The following PDE8A variants were observed in gnomAD, a reference collection of about 807,000 sequenced individuals.
PDE8A encodes high affinity cAMP-specific and IBMX-insensitive 3',5'-cyclic phosphodiesterase 8A.
In PDE8A, 59 loss-of-function variants were observed where a neutral mutation model predicts 105.0. That is an observed-to-expected ratio of 0.56 (90% CI 0.46 to 0.70). The LOEUF (loss-of-function observed/expected upper bound fraction) is 0.70, where lower values mean the gene tolerates loss of function less well. Ranked by LOEUF, PDE8A falls within the 30% of genes least tolerant of loss-of-function variation. The pLI is 0.00. For synonymous variants in PDE8A, 355 were observed against 371.9 expected (o/e 0.95, Z 0.52); for missense variants, 1,014 against 1,045.9 (o/e 0.97, Z 0.42).
intron 1 of PDE8A, among the ~76,000 whole-genome samples, chr15:85,029,369 A>G (rs926944730): frequency 5.4e-5 from 8 of 148,194 alleles, no homozygotes; most frequent in African/African-American, 2.0e-4. Context: ...CCCTTCTGCC[A>G]TTGTATTTGG....
chr15:85,082,338 T>C (rs1784136656), intron 5 of PDE8A, among the ~76,000 whole-genome samples: 1 of 152,170 alleles, frequency 6.6e-6, no homozygotes, highest in South Asian at 2.1e-4. Flanking sequence ...GTAGCTGTTC[T>C]TTACATTTAT....
intron 1 of PDE8A, among the ~76,000 whole-genome samples, chr15:85,021,750 A>G (rs182592495): frequency 6.1e-4 from 93 of 152,304 alleles, no homozygotes; most frequent in East Asian, 1.2e-3. Context: ...TGAGATCTAG[A>G]TGTTTTTGAA....
Position 85,061,320 on chromosome 15 carries a change from G to A in PDE8A, c.187-3050G>A, listed in dbSNP as rs2081141350. Among the ~76,000 whole-genome samples, 4 of 151,922 alleles carry A rather than the reference G, an allele frequency of 2.6e-5. 1 individual carries two copies. In the South Asian group the frequency reaches 8.3e-4, roughly 32 times the overall value. On this transcript the variant is annotated intron_variant, in intron 1 of 21. Transcript: ENST00000394553. ...GCAGTCTCGGCTCACTGCAACTTCT[G>A]CCTCCCAGGTTCAAGCAATTCTCCT...
chr15:85,060,753 C>G (rs1215774391), intron 1 of PDE8A, among the ~76,000 whole-genome samples: 1 of 152,078 alleles, frequency 6.6e-6, no homozygotes, highest in Non-Finnish European at 1.5e-5. Context: ...TCCTTTTAGA[C>G]CAATGATTTT....
chr15:85,112,829 T>C (rs1379022853), intron 12 of PDE8A, among the ~76,000 whole-genome samples: 1 of 152,204 alleles, frequency 6.6e-6, no homozygotes, highest in Non-Finnish European at 1.5e-5. Context: ...TAACAAACTT[T>C]AGAGCCTAAG....
At chr15:85,131,577 C>A (rs1449981942) in intron 20 of PDE8A, among the ~76,000 whole-genome samples, 1 of 152,176 alleles carries the variant, frequency 6.6e-6, no homozygotes, top group East Asian at 1.9e-4. Flanking sequence ...CAAGTAATAT[C>A]TTTATACATT....
chr15:85,008,173 T>C (rs2080178925), intron 1 of PDE8A, among the ~76,000 whole-genome samples: 1 of 151,816 alleles, frequency 6.6e-6, no homozygotes, highest in South Asian at 2.1e-4. Flanking sequence ...TAGGGAGTGG[T>C]CTGGGCAGCT....
At chr15:85,053,804 T>A (rs2081014651) in intron 1 of PDE8A, among the ~76,000 whole-genome samples, 1 of 152,216 alleles carries the variant, frequency 6.6e-6, no homozygotes, top group African/African-American at 2.4e-5. Context: ...TTGAATACCC[T>A]CTATTTCTTT....
At chr15:85,100,095 AG>A (rs755258349) in intron 10 of PDE8A, 29 bp downstream of exon 10, 16 of 1,612,978 alleles carry the variant, frequency 9.9e-6, no homozygotes, top group Admixed American at 1.7e-5. Context: ...CCGGGGCCCC[AG>A]GAACACCCCA....
intron 3 of PDE8A, among the ~76,000 whole-genome samples, chr15:85,069,732 C>G (rs2081284302): frequency 6.6e-6 from 1 of 152,156 alleles, no homozygotes; most frequent in Admixed American, 6.5e-5. Context: ...GAGAGCAGGC[C>G]TTTACAAATG....
chr15:84,989,286 A>G (rs1432897769), intron 1 of PDE8A, among the ~76,000 whole-genome samples: 1 of 152,212 alleles, frequency 6.6e-6, no homozygotes, highest in East Asian at 1.9e-4. Flanking sequence ...GACCTCCAAT[A>G]ATTTGGGATG....
chr15:85,090,833 A>G (rs760362423), intron 7 of PDE8A: 4 of 620,956 alleles, frequency 6.4e-6, no homozygotes, highest in Non-Finnish European at 1.2e-5. Flanking sequence ...CAGAAAGCCC[A>G]GCCGGGTATC....
chr15:85,072,229 G>C (rs1027273917), intron 3 of PDE8A, among the ~76,000 whole-genome samples: 3 of 152,170 alleles, frequency 2.0e-5, no homozygotes, highest in African/African-American at 7.2e-5. Context: ...ACAAGTAATG[G>C]AGTTGTGCTT....
At chr15:85,055,946 C>T (rs1596476367) in intron 1 of PDE8A, among the ~76,000 whole-genome samples, 1 of 152,170 alleles carries the variant, frequency 6.6e-6, no homozygotes, top group Non-Finnish European at 1.5e-5. Context: ...GTGGCTGGTA[C>T]TGGTTGTTCC....
At position 85,138,572 on chromosome 15, in the gene PDE8A, TC is replaced by T. The variant is rs1254286632; in HGVS notation, c.*670del. 6.5e-6 allele frequency: 1 copy of T among 152,682 alleles called. No homozygotes were observed. The highest frequency in any genetic ancestry group is 1.9e-4 in the East Asian group (1 of 5,200). 9.5% of individuals were successfully genotyped at this position (152,682 alleles called of 1,614,324 possible). ...CATTACTTGGTATACAGACTTATTT[TC>T]ATAATGCAAATTAATAAAATGACAC... On this transcript the variant is annotated 3_prime_UTR_variant, in exon 22 of 22. Coordinates refer to ENST00000394553, the MANE Select transcript of PDE8A (RefSeq NM_002605.3).
chr15:84,987,654 T>C (rs1191308239), intron 1 of PDE8A, among the ~76,000 whole-genome samples: 11 of 151,534 alleles, frequency 7.3e-5, no homozygotes. Context: ...TTTTTGTATA[T>C]TTAGTAGAGA....
At chr15:85,128,297 G>T (rs1419102019) in intron 20 of PDE8A, among the ~76,000 whole-genome samples, 1 of 152,088 alleles carries the variant, frequency 6.6e-6, no homozygotes, top group African/African-American at 2.4e-5. Context: ...TTGAGTCCAG[G>T]AGTTCAAGAC....
At chr15:84,997,179 A>G (rs763978165) in intron 1 of PDE8A, among the ~76,000 whole-genome samples, 21 of 151,892 alleles carry the variant, frequency 1.4e-4, no homozygotes, top group Non-Finnish European at 2.9e-4. Flanking sequence ...CTTACTCTAT[A>G]AGCTTTTCTC....
At chr15:85,049,064 T>C (rs771783442) in intron 1 of PDE8A, among the ~76,000 whole-genome samples, 22 of 152,084 alleles carry the variant, frequency 1.4e-4, no homozygotes, top group Non-Finnish European at 7.4e-5. Flanking sequence ...ATCGCGCCAC[T>C]GCACTCTAGC....
Sources: allele counts gnomAD v4.1 joint callset (sites outside exome capture counted in the v4.1 genomes callset), GRCh38; gene constraint gnomAD v4.1.1; transcripts MANE v1.5; gene names NCBI Gene and HGNC (gene_info 2026-07-23, HGNC 2026-07-21).